The following NCOA7 variants were observed in gnomAD, a reference collection of about 807,000 sequenced individuals.
The protein encoded by NCOA7 is 140 kDa estrogen receptor-associated protein.
NCOA7 carries 45 observed loss-of-function variants against 104.3 expected under a neutral mutation model. The observed-to-expected ratio is 0.43, with a 90% CI of 0.34 to 0.55. NCOA7 has a LOEUF of 0.55. Ranked by LOEUF, NCOA7 falls within the 20% of genes least tolerant of loss-of-function variation. The probability of loss-of-function intolerance (pLI) is 0.02; values close to 1 mark genes in which losing one functional copy is unlikely to be tolerated. For synonymous variants in NCOA7, 398 were observed against 402.3 expected (o/e 0.99, Z 0.13); for missense variants, 1,041 against 1,119.7 (o/e 0.93, Z 1.00).
chr6:125,830,383 A>T (rs1779065770), intron 2 of NCOA7, among the ~76,000 whole-genome samples: 1 of 152,160 alleles, frequency 6.6e-6, no homozygotes, highest in African/African-American at 2.4e-5. Context: ...ATATGACCTG[A>T]TTAATGCAAA....
chr6:125,800,922 G>A (rs1203665039), intron 1 of NCOA7, among the ~76,000 whole-genome samples: 1 of 152,184 alleles, frequency 6.6e-6, no homozygotes, highest in Non-Finnish European at 1.5e-5. Context: ...AGCTACTGGG[G>A]AGTGTGAGGC....
intron 1 of NCOA7, among the ~76,000 whole-genome samples, chr6:125,795,353 T>G: frequency 6.6e-6 from 1 of 152,206 alleles, no homozygotes; most frequent in East Asian, 1.9e-4. Context: ...ATTTTTAGAA[T>G]AGGTAGTATC....
At chr6:125,800,631 A>G in intron 1 of NCOA7, among the ~76,000 whole-genome samples, 1 of 152,264 alleles carries the variant, frequency 6.6e-6, no homozygotes, top group East Asian at 1.9e-4. Context: ...GTGTTAGTGT[A>G]CATAACTCTG....
chr6:125,856,342 T>C (rs1781545901), intron 3 of NCOA7, among the ~76,000 whole-genome samples: 1 of 135,588 alleles, frequency 7.4e-6, no homozygotes, highest in Admixed American at 9.3e-5. Context: ...TGTCTCCATG[T>C]TTTTTTGTTT....
At chr6:125,898,313 A>G (rs552474697) in intron 10 of NCOA7, among the ~76,000 whole-genome samples, 1 of 152,338 alleles carries the variant, frequency 6.6e-6, no homozygotes, top group Non-Finnish European at 1.5e-5. Flanking sequence ...TAAAAGCATC[A>G]GATTATTCTG....
intron 10 of NCOA7, among the ~76,000 whole-genome samples, chr6:125,912,682 G>A (rs1786686552): frequency 6.6e-6 from 1 of 152,196 alleles, no homozygotes; most frequent in Non-Finnish European, 1.5e-5. Flanking sequence ...TGCTACTTGA[G>A]ATAATAGGAA....
Position 125,810,506 on chromosome 6 carries a change from A to G in NCOA7, c.-64-4785A>G, listed in dbSNP as rs190216241. Among the ~76,000 whole-genome samples, 272 of 152,328 alleles carry G rather than the reference A, an allele frequency of 1.8e-3. 1 individual carries two copies. The highest frequency in any genetic ancestry group is 3.2e-3 in the Non-Finnish European group (221 of 68,024). ...TTGGTCTGCAATACACCATAAATGC[A>G]GGAGACTCTTAGAAGTCAGCATTTA... is the stretch of plus-strand genomic sequence containing the variant. On this transcript the variant is annotated intron_variant, in intron 1 of 15. Coordinates refer to ENST00000392477, the MANE Select transcript of NCOA7 (RefSeq NM_181782.5).
At chr6:125,928,114 C>T in intron 14 of NCOA7, 60 bp from the exon 15 acceptor site, 1 of 1,432,454 alleles carries the variant, frequency 7.0e-7, no homozygotes, top group Non-Finnish European at 9.8e-7. Flanking sequence ...TTTCATATTT[C>T]CTCATTGCTA....
At chr6:125,885,720 G>T (rs1230169829) in intron 8 of NCOA7, among the ~76,000 whole-genome samples, 1 of 152,314 alleles carries the variant, frequency 6.6e-6, no homozygotes, top group African/African-American at 2.4e-5. Context: ...TAATTAAGGA[G>T]AGTTATGTTT....
intron 2 of NCOA7, among the ~76,000 whole-genome samples, chr6:125,815,845 G>C (rs930369335): frequency 1.3e-5 from 2 of 152,194 alleles, no homozygotes; most frequent in South Asian, 2.1e-4. Flanking sequence ...GGTGAAATGG[G>C]TGAAATTATA....
chr6:125,855,263 C>A, intron 3 of NCOA7, 23 bp downstream of exon 3: 1 of 1,510,448 alleles, frequency 6.6e-7, no homozygotes, highest in Non-Finnish European at 9.1e-7. Context: ...GGCGTTACTG[C>A]AGTATTTTCA....
chr6:125,856,997 A>C (rs1459843866), intron 3 of NCOA7, among the ~76,000 whole-genome samples: 1 of 152,198 alleles, frequency 6.6e-6, no homozygotes, highest in Non-Finnish European at 1.5e-5. Context: ...CAGATGATCT[A>C]TCGGCAGCCG....
At chr6:125,826,625 G>C (rs888440900) in intron 2 of NCOA7, among the ~76,000 whole-genome samples, 2 of 152,116 alleles carry the variant, frequency 1.3e-5, no homozygotes, top group African/African-American at 4.8e-5. Context: ...TTGCATCTCA[G>C]AGAGACCTTA....
At chr6:125,862,037 C>CAAAAA (rs56389001) in intron 3 of NCOA7, among the ~76,000 whole-genome samples, 2 of 63,754 alleles carry the variant, frequency 3.1e-5, no homozygotes, top group Non-Finnish European at 5.2e-5. Flanking sequence ...AACTCTTTCT[C>CAAAAA]AAAAAAAAAA....
chr6:125,815,818 A>C (rs183726852), intron 2 of NCOA7, among the ~76,000 whole-genome samples: 3 of 152,342 alleles, frequency 2.0e-5, no homozygotes, highest in Admixed American at 2.0e-4. Flanking sequence ...TATTACTAAG[A>C]AATATTTTTG....
At chr6:125,882,694 T>G (rs532214348) in intron 7 of NCOA7, 143 bp downstream of exon 7, 23 of 915,990 alleles carry the variant, frequency 2.5e-5, no homozygotes, top group Middle Eastern at 3.5e-4. Context: ...TTAGTTTTCT[T>G]CTGTTGGATG....
intron 3 of NCOA7, among the ~76,000 whole-genome samples, chr6:125,865,989 A>G (rs1308671475): frequency 2.2e-5 from 3 of 137,126 alleles, no homozygotes; most frequent in Non-Finnish European, 4.6e-5. Flanking sequence ...CATCTGGCCA[A>G]GAAGACATTC....
chr6:125,900,147 C>G, intron 10 of NCOA7: 3 of 424,588 alleles, frequency 7.1e-6, no homozygotes, highest in South Asian at 5.0e-5. Context: ...GGGCTGTGGA[C>G]CTCTGTAGCT....
intron 1 of NCOA7, among the ~76,000 whole-genome samples, chr6:125,808,591 T>C (rs1776678019): frequency 6.6e-6 from 1 of 152,230 alleles, no homozygotes; most frequent in Non-Finnish European, 1.5e-5. Context: ...TCTGTTTTCT[T>C]ACCAAACTGC....
Sources: allele counts gnomAD v4.1 joint callset (sites outside exome capture counted in the v4.1 genomes callset), GRCh38; gene constraint gnomAD v4.1.1; transcripts MANE v1.5; gene names NCBI Gene and HGNC (gene_info 2026-07-23, HGNC 2026-07-21).